The following CDH12 variants were observed in gnomAD, a reference collection of about 807,000 sequenced individuals.
The protein encoded by CDH12 is cadherin-12.
Under a neutral mutation model 74.1 loss-of-function variants are expected in CDH12, and 41 were observed. That is an observed-to-expected ratio of 0.55 (90% CI 0.43 to 0.72). The LOEUF (loss-of-function observed/expected upper bound fraction) is 0.72. Ranked by LOEUF, CDH12 falls within the 30% of genes least tolerant of loss-of-function variation. CDH12 has a pLI of 0.00. For synonymous variants in CDH12, 399 were observed against 355.0 expected, an observed-to-expected ratio of 1.12 and a Z score of -1.39; for missense variants, 945 against 977.2, an observed-to-expected ratio of 0.97 and a Z score of 0.44.
intron 1 of CDH12, among the ~76,000 whole-genome samples, chr5:22,510,591 G>A (rs115552674): frequency 0.017 from 2,571 of 152,118 alleles, 75 homozygotes; most frequent in African/African-American, 0.059. Flanking sequence ...AGCCACAGAC[G>A]CTCAAGTCTT....
intron 4 of CDH12, among the ~76,000 whole-genome samples, chr5:22,172,845 G>T (rs1277536498): frequency 6.6e-6 from 1 of 151,468 alleles, no homozygotes; most frequent in East Asian, 1.9e-4. Flanking sequence ...CAAAATGAAA[G>T]AAATTTTTAG....
intron 4 of CDH12, among the ~76,000 whole-genome samples, chr5:22,087,653 A>T (rs999234625): frequency 6.6e-6 from 1 of 152,144 alleles, no homozygotes; most frequent in Non-Finnish European, 1.5e-5. Context: ...AAAAAGAAAA[A>T]AAAGAATGGG....
chr5:22,020,331 A>G (rs2150160499), intron 5 of CDH12, among the ~76,000 whole-genome samples: 1 of 152,212 alleles, frequency 6.6e-6, no homozygotes, highest in Middle Eastern at 3.4e-3. Flanking sequence ...AGGCGGGCAG[A>G]TCGCCTGAGG....
intron 5 of CDH12, among the ~76,000 whole-genome samples, chr5:22,006,334 C>A (rs1024975025): frequency 1.3e-5 from 2 of 151,950 alleles, no homozygotes; most frequent in Non-Finnish European, 2.9e-5. Context: ...CACCTCTCTG[C>A]TTATTTGAAA....
intron 7 of CDH12, 31 bp downstream of exon 7, chr5:21,854,640 G>T: frequency 6.7e-7 from 1 of 1,494,726 alleles, no homozygotes; most frequent in Non-Finnish European, 9.1e-7. Context: ...TGAAGGGCTG[G>T]TGATAATGTT....
At chr5:21,768,087 T>C (rs1000704401) in intron 11 of CDH12, among the ~76,000 whole-genome samples, 1 of 151,802 alleles carries the variant, frequency 6.6e-6, no homozygotes, top group East Asian at 1.9e-4. Context: ...AATTAGTTAC[T>C]GTTGAATACT....
intron 3 of CDH12, among the ~76,000 whole-genome samples, chr5:22,227,519 T>C (rs1270989388): frequency 6.6e-6 from 1 of 152,156 alleles, no homozygotes; most frequent in African/African-American, 2.4e-5. Flanking sequence ...AAATTACTTA[T>C]AGTGGGAACT....
intron 5 of CDH12, among the ~76,000 whole-genome samples, chr5:22,076,839 A>T (rs772964288): frequency 6.6e-6 from 1 of 152,074 alleles, no homozygotes; most frequent in South Asian, 2.1e-4. Flanking sequence ...TGAGAAGGTC[A>T]TTCTGGTCTA....
intron 4 of CDH12, among the ~76,000 whole-genome samples, chr5:22,206,931 C>A (rs1174148529): frequency 6.6e-6 from 1 of 150,688 alleles, no homozygotes; most frequent in Admixed American, 6.6e-5. Flanking sequence ...TATTCTACCA[C>A]GGTCCGGCGT....
intron 4 of CDH12, among the ~76,000 whole-genome samples, chr5:22,104,766 T>C (rs1744333568): frequency 6.6e-6 from 1 of 152,214 alleles, no homozygotes; most frequent in African/African-American, 2.4e-5. Context: ...AGTTGGTATT[T>C]GATTTTAATT....
chr5:22,566,274 G>C (rs1176067384), intron 1 of CDH12, among the ~76,000 whole-genome samples: 1 of 141,064 alleles, frequency 7.1e-6, no homozygotes, highest in Non-Finnish European at 1.5e-5. Flanking sequence ...GTCTCACTCT[G>C]TTGCTGAGGC....
At chr5:22,346,655 A>C (rs1740128986) in intron 3 of CDH12, among the ~76,000 whole-genome samples, 1 of 152,196 alleles carries the variant, frequency 6.6e-6, no homozygotes, top group Non-Finnish European at 1.5e-5. Context: ...TGAAAGTTGA[A>C]CATGAAACAC....
chr5:22,508,392 A>T (rs1054632467), intron 1 of CDH12, among the ~76,000 whole-genome samples: 2 of 152,158 alleles, frequency 1.3e-5, no homozygotes, highest in African/African-American at 4.8e-5. Flanking sequence ...AAAATATTTT[A>T]CCCCAAAACA....
chr5:22,546,134 C>T (rs1183792320), intron 1 of CDH12, among the ~76,000 whole-genome samples: 1 of 152,022 alleles, frequency 6.6e-6, no homozygotes, highest in East Asian at 1.9e-4. Flanking sequence ...TTAGTAGACA[C>T]AGGGTTTCAC....
At chr5:21,976,088 A>G (rs1757060424) in intron 5 of CDH12, among the ~76,000 whole-genome samples, 1 of 152,178 alleles carries the variant, frequency 6.6e-6, no homozygotes, top group Non-Finnish European at 1.5e-5. Flanking sequence ...AGAGCATCTC[A>G]TTTTAACAGG....
At chr5:22,689,409 T>C (rs950713776) in intron 1 of CDH12, among the ~76,000 whole-genome samples, 1 of 152,126 alleles carries the variant, frequency 6.6e-6, no homozygotes, top group African/African-American at 2.4e-5. Context: ...GGATGACATA[T>C]GTAGAATAGG....
intron 11 of CDH12, among the ~76,000 whole-genome samples, chr5:21,773,616 A>T (rs887845469): frequency 1.2e-4 from 18 of 152,120 alleles, no homozygotes; most frequent in African/African-American, 3.9e-4. Flanking sequence ...TGAGACTTGC[A>T]CTGGCTTCCT....
intron 2 of CDH12, among the ~76,000 whole-genome samples, chr5:22,442,147 C>T (rs965751814): frequency 1.2e-4 from 19 of 152,004 alleles, no homozygotes; most frequent in African/African-American, 3.9e-4. Context: ...TTTCAGTCTG[C>T]GTATAGCTTT....
intron 1 of CDH12, among the ~76,000 whole-genome samples, chr5:22,804,405 G>A (rs1748681992): frequency 6.6e-6 from 1 of 152,054 alleles, no homozygotes; most frequent in Non-Finnish European, 1.5e-5. Flanking sequence ...AAGGATGGGG[G>A]GGAGATTTTA....
Sources: allele counts gnomAD v4.1 joint callset (sites outside exome capture counted in the v4.1 genomes callset), GRCh38; gene constraint gnomAD v4.1.1; transcripts MANE v1.5; gene names NCBI Gene and HGNC (gene_info 2026-07-23, HGNC 2026-07-21).